The following MAML2 variants were observed in gnomAD, a reference collection of about 807,000 sequenced individuals.
MAML2 encodes mastermind-like protein 2.
MAML2 carries 22 observed loss-of-function variants against 96.1 expected under a neutral mutation model. The ratio of observed to expected loss-of-function variants is 0.23; its 90% CI spans 0.16 to 0.33. MAML2 has a LOEUF of 0.33. Among genes scored for constraint, MAML2 ranks in the 10% least tolerant of loss-of-function variants. MAML2 has a pLI of 1.00. For missense variants in MAML2, 1,367 were observed against 1,392.4 expected, an observed-to-expected ratio of 0.98 and a Z score of 0.29; for synonymous variants, 561 against 521.3, an observed-to-expected ratio of 1.08 and a Z score of -1.04.
chr11:95,991,112 C>T (rs888530209), intron 3 of MAML2, among the ~76,000 whole-genome samples: 2 of 152,144 alleles, frequency 1.3e-5, no homozygotes, highest in Admixed American at 6.5e-5. Flanking sequence ...GGTTTTGAGG[C>T]TCCATGTTGG....
chr11:96,219,412 G>A (rs531638807), intron 1 of MAML2, among the ~76,000 whole-genome samples: 2 of 152,068 alleles, frequency 1.3e-5, no homozygotes, highest in Non-Finnish European at 2.9e-5. Context: ...AGCATTTATC[G>A]TTTATACAGT....
intron 2 of MAML2, among the ~76,000 whole-genome samples, chr11:96,040,844 T>C (rs1858796402): frequency 6.6e-6 from 1 of 152,210 alleles, no homozygotes; most frequent in Non-Finnish European, 1.5e-5. Flanking sequence ...TATTATTCTG[T>C]TTTCAAATAG....
At chr11:96,157,390 T>A (rs964769065) in intron 1 of MAML2, among the ~76,000 whole-genome samples, 6 of 152,268 alleles carry the variant, frequency 3.9e-5, no homozygotes, top group African/African-American at 1.4e-4. Context: ...ATCCTGTGTC[T>A]CACCACTGGT....
intron 1 of MAML2, among the ~76,000 whole-genome samples, chr11:96,319,132 C>T (rs750553022): frequency 6.6e-6 from 1 of 152,192 alleles, no homozygotes; most frequent in African/African-American, 2.4e-5. Flanking sequence ...AACACTCATG[C>T]AGCCTATACG....
chr11:96,326,150 T>C (rs751011459), intron 1 of MAML2, among the ~76,000 whole-genome samples: 13 of 132,190 alleles, frequency 9.8e-5, no homozygotes, highest in Non-Finnish European at 1.7e-4. Context: ...CCTTGTGTGG[T>C]TCAAGGACCC....
intron 1 of MAML2, among the ~76,000 whole-genome samples, chr11:96,330,456 A>C (rs1863837429): frequency 6.6e-6 from 1 of 152,260 alleles, no homozygotes; most frequent in African/African-American, 2.4e-5. Flanking sequence ...TAACACAGCT[A>C]ATGAAATAGA....
intron 2 of MAML2, among the ~76,000 whole-genome samples, chr11:96,013,075 T>A (rs567599470): frequency 6.6e-6 from 1 of 152,348 alleles, no homozygotes; most frequent in Admixed American, 6.5e-5. Flanking sequence ...GATGACCATG[T>A]TGCCTGTAAA....
At chr11:96,059,827 C>G (rs1003079482) in intron 2 of MAML2, among the ~76,000 whole-genome samples, 1 of 152,202 alleles carries the variant, frequency 6.6e-6, no homozygotes, top group African/African-American at 2.4e-5. Context: ...ATGGGATAGA[C>G]ATTTTCCTAG....
At chr11:96,057,901 A>G (rs1377383486) in intron 2 of MAML2, among the ~76,000 whole-genome samples, 1 of 152,248 alleles carries the variant, frequency 6.6e-6, no homozygotes, top group East Asian at 1.9e-4. Flanking sequence ...TGTTTTGTAT[A>G]GAACTTTCCG....
At chr11:96,005,109 G>A (rs886798695) in intron 2 of MAML2, among the ~76,000 whole-genome samples, 1 of 152,170 alleles carries the variant, frequency 6.6e-6, no homozygotes, top group Non-Finnish European at 1.5e-5. Flanking sequence ...ATTGATCTTG[G>A]ACTTCACAGC....
At chr11:96,066,963 C>A (rs145256955) in intron 2 of MAML2, among the ~76,000 whole-genome samples, 1 of 152,030 alleles carries the variant, frequency 6.6e-6, no homozygotes, top group Non-Finnish European at 1.5e-5. Context: ...ATAGAGAGAG[C>A]GGAGGGAGCT....
intron 1 of MAML2, among the ~76,000 whole-genome samples, chr11:96,159,624 C>T (rs1218343974): frequency 6.6e-6 from 1 of 152,014 alleles, no homozygotes; most frequent in Non-Finnish European, 1.5e-5. Flanking sequence ...CGGCGTTTCA[C>T]CGTGTTAGCC....
At chr11:96,195,806 C>T (rs1290334661) in intron 1 of MAML2, among the ~76,000 whole-genome samples, 4 of 152,208 alleles carry the variant, frequency 2.6e-5, no homozygotes, top group Non-Finnish European at 5.9e-5. Context: ...GAAAATTATA[C>T]TGTGACTACC....
chr11:96,108,369 C>T (rs146965879), intron 1 of MAML2, among the ~76,000 whole-genome samples: 323 of 152,256 alleles, frequency 2.1e-3, no homozygotes, highest in Middle Eastern at 0.01. Context: ...CGGGGTCTCC[C>T]ATAGAACACA....
chr11:96,082,743 G>A (rs1195997700), intron 2 of MAML2, among the ~76,000 whole-genome samples: 1 of 152,198 alleles, frequency 6.6e-6, no homozygotes, highest in Non-Finnish European at 1.5e-5. Flanking sequence ...CATCTGGAGG[G>A]ACAAGGTAGC....
At chr11:96,335,403 G>A (rs1238706264) in intron 1 of MAML2, among the ~76,000 whole-genome samples, 1 of 152,194 alleles carries the variant, frequency 6.6e-6, no homozygotes, top group Non-Finnish European at 1.5e-5. Flanking sequence ...TGTTTGCACT[G>A]GAAGGCCCAG....
chr11:96,141,888 G>A (rs1375331452), intron 1 of MAML2, among the ~76,000 whole-genome samples: 1 of 152,252 alleles, frequency 6.6e-6, no homozygotes, highest in Middle Eastern at 3.2e-3. Flanking sequence ...CTCTGCAGGT[G>A]CTAGCGGGAC....
At chr11:96,173,654 AG>A (rs1482278238) in intron 1 of MAML2, among the ~76,000 whole-genome samples, 2 of 152,232 alleles carry the variant, frequency 1.3e-5, no homozygotes, top group Non-Finnish European at 2.9e-5. Context: ...TGCAAGCCAC[AG>A]GAGACAGAAT....
rs1859737916 is a variant in MAML2 at position 96,092,438 on chromosome 11, C to T, written c.1593G>A (p.Gln531=). 2.5e-6 allele frequency: 4 copies of T among 1,613,644 alleles called. No homozygotes were observed. Among genetic ancestry groups the T allele is most frequent in the Non-Finnish European group, 3.4e-6 (4 of 1,179,766 alleles). Residue 531 remains glutamine (Q), a synonymous_variant, in exon 2 of 5, where the codon CAG becomes CAA. Coordinates refer to ENST00000524717, the MANE Select transcript of MAML2 (RefSeq NM_032427.4). The surrounding 1 kb of genome is among the most constrained non-coding windows in gnomAD (Gnocchi z 4.1). ...TTCGACTGAGATCCTGAGGCTTTTG[C>T]TGCATGAGGACATCTAGGTGCCCAC... is the stretch of plus-strand genomic sequence containing the variant. The part of the protein sequence containing the change: ...AQGGHLDVLM[Q]QKPQDLSRSF...
Sources: gnomAD v4.1 joint callset for allele counts (sites outside exome capture counted in the v4.1 genomes callset) on GRCh38, gnomAD v4.1.1 for gene constraint, Gnocchi (gnomAD v3.1) non-coding constraint, MANE v1.5 for transcripts, NCBI Gene and HGNC (gene_info 2026-07-23, HGNC 2026-07-21) for gene names.